Variants in PLCH2 observed in about 807,000 individuals in gnomAD.
PLCH2 encodes 1-phosphatidylinositol 4,5-bisphosphate phosphodiesterase eta-2.
Under a neutral mutation model 134.7 loss-of-function variants are expected in PLCH2, and 98 were observed. That is an observed-to-expected ratio of 0.73 (90% CI 0.62 to 0.86). The LOEUF (loss-of-function observed/expected upper bound fraction) is 0.86, where lower values mean the gene tolerates loss of function less well. Ranked by LOEUF, PLCH2 falls within the 40% of genes least tolerant of loss-of-function variation. The pLI, the probability that PLCH2 is intolerant of heterozygous loss-of-function variation, is 0.00. For synonymous variants in PLCH2, 974 were observed against 827.5 expected (o/e 1.18, Z -3.04); for missense variants, 1,994 against 1,986.6 (o/e 1.00, Z -0.07).
At chr1:2,433,272 C>A (rs1316077766) in intron 2 of PLCH2, among the ~76,000 whole-genome samples, 1 of 152,230 alleles carries the variant, frequency 6.6e-6, no homozygotes, top group Non-Finnish European at 1.5e-5. Context: ...GGAGCAGAGG[C>A]AGGCAGGTTT....
intron 2 of PLCH2, among the ~76,000 whole-genome samples, chr1:2,456,373 G>C (rs1410114699): frequency 1.3e-5 from 2 of 152,220 alleles, no homozygotes; most frequent in Non-Finnish European, 2.9e-5. Context: ...TTGGGAGGCG[G>C]GGCGGCCCTG....
chr1:2,485,107 A>G (rs1320340600), intron 5 of PLCH2, among the ~76,000 whole-genome samples: 1 of 151,966 alleles, frequency 6.6e-6, no homozygotes, highest in Non-Finnish European at 1.5e-5. Flanking sequence ...ATATCCACTC[A>G]CCTGTTTGTC....
chr1:2,462,767 A>G (rs1640884519), upstream of PLCH2, among the ~76,000 whole-genome samples: 1 of 151,976 alleles, frequency 6.6e-6, no homozygotes, highest in Non-Finnish European at 1.5e-5. Context: ...AGGGCCTTAG[A>G]GGGGCATCCC....
At chr1:2,479,434 C>G in intron 2 of PLCH2, 1 of 328,978 alleles carries the variant, frequency 3.0e-6, no homozygotes, top group Middle Eastern at 9.0e-4. Context: ...AAACGTGGAG[C>G]CCCGGGCCAG....
chr1:2,503,249 C>G lies in PLCH2; in HGVS notation c.2960-673C>G, dbSNP rs1643338474. On this transcript the variant is annotated intron_variant, in intron 21 of 21. Transcript: ENST00000378486. ...GCTGGGCGCTTCCCCAAACTCACCT[C>G]CTGGGCGGCTGGCGACCTGCATGGC... The G allele has an allele frequency of 1.1e-5, 6 of 561,646 alleles. No homozygotes were observed. The South Asian group carries it at 1.2e-4, about 11-fold the overall frequency. 34.8% of individuals were successfully genotyped at this position (561,646 alleles called of 1,614,324 possible).
rs1641887051 is a variant in PLCH2 at position 2,480,216 on chromosome 1, G to A, written c.549G>A (p.Lys183=). 6.2e-7 allele frequency: 1 copy of A among 1,612,768 alleles called. No homozygotes were observed. The highest frequency in any genetic ancestry group is 8.5e-7 in the Non-Finnish European group (1 of 1,179,856). The change falls in exon 4 of 22, where the codon AAG becomes AAA. Residue 183 remains lysine (K), a synonymous_variant. Transcript: ENST00000378486. ...WLKQTFDEAD[K]NGDGSLSIGE... is the part of the protein sequence containing the mutation. The stretch of plus-strand genomic sequence containing the variant: ...AGCAGACGTTTGACGAGGCCGACAA[G>A]AACGGGGATGGCAGCCTGAGCATTG...
intron 11 of PLCH2, among the ~76,000 whole-genome samples, chr1:2,491,820 CGTGGGTGGGCCCT>C (rs1642601521): frequency 6.6e-6 from 1 of 152,040 alleles, no homozygotes; most frequent in African/African-American, 2.4e-5. Flanking sequence ...GAGTGGGGAG[CGTGGGTGGGCCCT>C]ACAGACCCTC....
rs115326953 is a variant in PLCH2 at position 2,454,738 on chromosome 1, C to T, written c.116-23738C>T. Among the ~76,000 whole-genome samples the T allele has an allele frequency of 9.7e-3, 1,482 of 152,322 alleles. 27 individuals carry two copies. The highest frequency in any genetic ancestry group is 0.034 in the African/African-American group (1,406 of 41,568). ...GGAATGGTGGCTTCCCTGAGAGCAG[C>T]GCCCTGGCTCGGCCCCTCGGTGTCC... On this transcript the variant is annotated intron_variant, in intron 2 of 3. Transcript: ENST00000609981.
At chr1:2,502,052 G>C (rs761839409) in intron 20 of PLCH2, 60 bp from the exon 21 acceptor site, 8 of 1,371,378 alleles carry the variant, frequency 5.8e-6, no homozygotes, top group Non-Finnish European at 7.6e-6. Context: ...GGCCCTGGGG[G>C]AGCAGCTGCA....
Position 2,439,452 on chromosome 1 carries a change from G to A in PLCH2, c.115+8823G>A, listed in dbSNP as rs1013509724. 6.6e-6 allele frequency among the ~76,000 whole-genome samples: 1 copy of A among 152,198 alleles called. No individual in the cohort carries two copies. The highest frequency in any genetic ancestry group is 1.5e-5 in the Non-Finnish European group (1 of 68,044). ...GCTGATCCCATCCCACCCGTTCGTT[G>A]TCTTGAGTTCTGATTGAGAACGGGA... is the stretch of plus-strand genomic sequence containing the variant. On this transcript the variant is annotated intron_variant, in intron 2 of 3. Coordinates refer to the PLCH2 transcript ENST00000609981. The surrounding 1 kb of genome is among the most constrained non-coding windows in gnomAD (Gnocchi z 4.7).
chr1:2,416,778 G>A, the PLCH2 span, among the ~76,000 whole-genome samples: 1 of 152,250 alleles, frequency 6.6e-6, no homozygotes, highest in Non-Finnish European at 1.5e-5. Flanking sequence ...GAGGGTTGGT[G>A]TGGGCATGGG....
intron 13 of PLCH2, 46 bp from the exon 14 acceptor site, chr1:2,496,561 G>C (rs771732476): frequency 6.6e-7 from 1 of 1,511,482 alleles, no homozygotes; most frequent in Non-Finnish European, 9.0e-7. Context: ...TGGGTGCCAG[G>C]CTGGCCCTGG....
Position 2,426,490 on chromosome 1 carries a change from G to T in PLCH2, c.-178+453G>T, listed in dbSNP as rs556825430. 4.5e-4 allele frequency among the ~76,000 whole-genome samples: 68 copies of T among 152,344 alleles called. 1 individual carries two copies. The highest frequency in any genetic ancestry group is 1.6e-3 in the African/African-American group (65 of 41,580). ...CCTGAGTCCCCATGGGGTCCTGGGG[G>T]CCTTTCCCTCCGGGTCAGAGTGGCG... On this transcript the variant is annotated intron_variant, in intron 1 of 3. Transcript: ENST00000609981.
At chr1:2,417,260 G>A in the PLCH2 span, among the ~76,000 whole-genome samples, 1 of 152,160 alleles carries the variant, frequency 6.6e-6, no homozygotes, top group Non-Finnish European at 1.5e-5. Flanking sequence ...GAAACCAAGG[G>A]TCCCCCAAAA....
At chr1:2,501,927 C>T in intron 20 of PLCH2, 185 bp from the exon 21 acceptor site, 1 of 542,096 alleles carries the variant, frequency 1.8e-6, no homozygotes, top group Non-Finnish European at 3.2e-6. Flanking sequence ...GGCAGAGCTG[C>T]CCTAGGGACC....
chr1:2,475,655 GAATGTGGGGACA>G (rs1641573970), upstream of PLCH2, among the ~76,000 whole-genome samples: 1 of 152,220 alleles, frequency 6.6e-6, no homozygotes, highest in Non-Finnish European at 1.5e-5. Context: ...CTGCAGGGCA[GAATGTGGGGACA>G]AACGTGCCCT....
At chr1:2,469,741 C>T (rs1350950891) in intron 1 of PLCH2, among the ~76,000 whole-genome samples, 1 of 152,236 alleles carries the variant, frequency 6.6e-6, no homozygotes, top group Non-Finnish European at 1.5e-5. Flanking sequence ...CTCCCACCGG[C>T]TGGACGGACT....
rs550305393 is a variant in PLCH2 at position 2,448,808 on chromosome 1, G to T, written c.115+18179G>T. On this transcript the variant is annotated intron_variant, in intron 2 of 3. Coordinates refer to the PLCH2 transcript ENST00000609981. The surrounding 1 kb of genome is among the most constrained non-coding windows in gnomAD (Gnocchi z 4.0). The stretch of plus-strand genomic sequence containing the variant: ...GTCCTGGCTCCACAGGTGACCAAGA[G>T]GGGTACTGGAGGCCTGGACGGGCCT... Among the ~76,000 whole-genome samples, 13 of 152,290 alleles carry T rather than the reference G, an allele frequency of 8.5e-5. No individual in the cohort carries two copies. The highest frequency in any genetic ancestry group is 2.9e-4 in the African/African-American group (12 of 41,564).
chr1:2,449,973 T>C (rs932496894), intron 2 of PLCH2, among the ~76,000 whole-genome samples: 9 of 152,228 alleles, frequency 5.9e-5, no homozygotes, highest in Non-Finnish European at 4.4e-5. Flanking sequence ...CGGACTGGGC[T>C]GCCGCCGCCA....
Sources: allele counts gnomAD v4.1 joint callset (sites outside exome capture counted in the v4.1 genomes callset), GRCh38; gene constraint gnomAD v4.1.1; non-coding constraint Gnocchi (gnomAD v3.1); transcripts MANE v1.5; gene names NCBI Gene and HGNC (gene_info 2026-07-23, HGNC 2026-07-21).